MYH14: variants seen among roughly 807,000 people sequenced by gnomAD.
MYH14 encodes myosin heavy chain 14, also known as myosin-14.
A neutral mutation model predicts 255.5 loss-of-function variants in MYH14; 123 were observed. That is an observed-to-expected ratio of 0.48 (90% confidence interval 0.42 to 0.56). MYH14 has a LOEUF of 0.56. MYH14 is among the 20% of genes least tolerant of loss of function. The probability of loss-of-function intolerance (pLI) is 0.00; values close to 1 mark genes in which losing one functional copy is unlikely to be tolerated. For synonymous variants in MYH14, 1,095 were observed against 1,161.2 expected (o/e 0.94, Z 1.16); for missense variants, 2,423 against 2,802.3 (o/e 0.86, Z 3.06).
chr19:50,278,078 A>G lies in MYH14; in HGVS notation c.3826-5A>G. ...AGATCTTTGCTCATCTCCTTCCCAC[A>G]CCAGGGCAAAGGTGCATGGGAGAAG... On this transcript the variant is annotated splice_polypyrimidine_tract_variant and splice_region_variant and intron_variant, in intron 29 of 42. Transcript: ENST00000642316. The G allele has an allele frequency of 1.3e-6, 2 of 1,549,986 alleles. No individual in the cohort carries two copies. The highest frequency in any genetic ancestry group is 1.8e-6 in the Non-Finnish European group (2 of 1,140,562).
At chr19:50,232,889 A>T (rs1285595842) in intron 10 of MYH14, among the ~76,000 whole-genome samples, 4 of 151,978 alleles carry the variant, frequency 2.6e-5, no homozygotes, top group Non-Finnish European at 4.4e-5. Flanking sequence ...ACGCCAGCCT[A>T]GGAGGTTGGG....
intron 34 of MYH14, among the ~76,000 whole-genome samples, chr19:50,286,930 C>T (rs2035911241): frequency 1.3e-5 from 2 of 152,054 alleles, no homozygotes; most frequent in Non-Finnish European, 2.9e-5. Context: ...CCAGCCTGGC[C>T]AATGTGGTGA....
chr19:50,227,081 C>T lies in MYH14; in HGVS notation c.874+115C>T. ...CCCCTTACCTGCTACTCAGATGGGA[C>T]CTGATGCTCAGGCGGCATCTGCATG... On this transcript the variant is annotated intron_variant, in intron 8 of 42. Transcript: ENST00000642316. 4 of 865,684 alleles carry T rather than the reference C, an allele frequency of 4.6e-6. 1 individual carries two copies. The highest frequency in any genetic ancestry group is 4.1e-5 in the South Asian group (3 of 73,430). The allele number at this position is 865,684 out of a possible 1,614,324, so 53.6% of individuals were successfully genotyped here. A position where few individuals can be genotyped will look rare whatever the true frequency, so the allele number is the denominator to read the frequency against.
chr19:50,273,601 G>GGGGTGTGTGTGT (rs1555772398), intron 27 of MYH14, among the ~76,000 whole-genome samples: 4 of 137,578 alleles, frequency 2.9e-5, no homozygotes, highest in African/African-American at 1.1e-4. Context: ...GAACATGGGG[G>GGGGTGTGTGTGT]GTGTGTGTGT....
At chr19:50,260,591 C>T (rs1171494796) in intron 19 of MYH14, 55 bp from the exon 20 acceptor site, 1 of 1,299,068 alleles carries the variant, frequency 7.7e-7, no homozygotes, top group East Asian at 2.4e-5. Context: ...GCAGCAGGCA[C>T]TAGGTGAGCG....
intron 10 of MYH14, among the ~76,000 whole-genome samples, chr19:50,239,239 G>A (rs1304097930): frequency 1.3e-5 from 2 of 152,140 alleles, no homozygotes; most frequent in Non-Finnish European, 2.9e-5. Context: ...GGCTGGTCTC[G>A]AACTCCTGAC....
chr19:50,260,491 C>T (rs976011905), intron 19 of MYH14, among the ~76,000 whole-genome samples, 155 bp from the exon 20 acceptor site: 4 of 152,092 alleles, frequency 2.6e-5, no homozygotes, highest in African/African-American at 9.7e-5. Flanking sequence ...TTGGTGGTGG[C>T]GTGAATGCTC....
In MYH14 at chr19:50,250,470, A is replaced by G. The variant is rs1219200642; in HGVS notation, c.1657-45A>G. On this transcript the variant is annotated intron_variant, in intron 14 of 42. Coordinates refer to ENST00000642316, the MANE Select transcript of MYH14 (RefSeq NM_001145809.2). This position sits in a 1 kb window ranked among gnomAD's most constrained non-coding sequence, Gnocchi z 5.4. ...AAATCAGCAGCCACCTGAGTGTCCAATATGTGGGGATCTGACTTACTCTCC... is the reference window on the plus strand; with the variant it reads ...AAATCAGCAGCCACCTGAGTGTCCAGTATGTGGGGATCTGACTTACTCTCC... 3.2e-6 allele frequency: 5 copies of G among 1,581,822 alleles called. No individual in the cohort carries two copies. Among genetic ancestry groups the G allele is most frequent in the East Asian group, 2.3e-5 (1 of 43,746 alleles).
intron 9 of MYH14, among the ~76,000 whole-genome samples, chr19:50,231,387 A>C (rs1048541495): frequency 6.6e-6 from 1 of 152,096 alleles, no homozygotes; most frequent in African/African-American, 2.4e-5. Context: ...ACTTCTAGAG[A>C]CTCAAAAGTC....
intron 13 of MYH14, 98 bp downstream of exon 13, chr19:50,249,237 C>G: frequency 7.3e-7 from 1 of 1,364,478 alleles, no homozygotes; most frequent in Non-Finnish European, 9.9e-7. Context: ...GGTCTCTGTC[C>G]CCCTCTCTCT....
At position 50,309,382 on chromosome 19, in the gene MYH14, G is replaced by A. The variant is rs116297403; in HGVS notation, c.5960+205G>A. On this transcript the variant is annotated intron_variant, in intron 42 of 42. Coordinates refer to ENST00000642316, the MANE Select transcript of MYH14 (RefSeq NM_001145809.2). ...ACACCCATTTCTCCCTGTCATCTCTGTGCCCTCCTTTCCCACCGTGCACCA... is the reference window on the plus strand; with the variant it reads ...ACACCCATTTCTCCCTGTCATCTCTATGCCCTCCTTTCCCACCGTGCACCA... The A allele has an allele frequency of 1.9e-3, 1,176 of 625,842 alleles. 15 individuals carry two copies. In the African/African-American group the frequency reaches 0.019, roughly 10 times the overall value. The allele number at this position is 625,842 out of a possible 1,614,324, so 38.8% of individuals were successfully genotyped here. A position where few individuals can be genotyped will look rare whatever the true frequency, so the allele number is the denominator to read the frequency against.
At chr19:50,231,862 G>T (rs192575594) in intron 9 of MYH14, 68 bp from the exon 10 acceptor site, 3 of 1,592,456 alleles carry the variant, frequency 1.9e-6, no homozygotes, top group Non-Finnish European at 8.6e-7. Context: ...GATTGCCACC[G>T]ATGAATCCAG....
intron 34 of MYH14, 44 bp from the exon 35 acceptor site, chr19:50,289,392 C>A: frequency 6.5e-7 from 1 of 1,527,486 alleles, no homozygotes; most frequent in Non-Finnish European, 8.9e-7. Flanking sequence ...CTAACCTCCT[C>A]TGCCTCAGTG....
At chr19:50,306,628 T>C (rs2036662519) in intron 40 of MYH14, among the ~76,000 whole-genome samples, 1 of 152,062 alleles carries the variant, frequency 6.6e-6, no homozygotes, top group Admixed American at 6.5e-5. Flanking sequence ...TTATACAGGG[T>C]CAGATGGTTG....
rs1264102390 is a variant in MYH14, at chr19:50,308,667, T to G, written c.5788-338T>G. The G allele has an allele frequency of 1.4e-5, 4 of 290,468 alleles. No homozygotes were observed. In the East Asian group the frequency reaches 2.4e-4, roughly 18 times the overall value. 18.0% of individuals were successfully genotyped at this position (290,468 alleles called of 1,614,324 possible). A position where few individuals can be genotyped will look rare whatever the true frequency, so the allele number is the denominator to read the frequency against. ...AGAGAACTGGACAAGAAAAAGACCC[T>G]GTGGGGCCTGGAATGCCAGGCTGAG... On this transcript the variant is annotated intron_variant, in intron 41 of 42. Coordinates refer to ENST00000642316, the MANE Select transcript of MYH14 (RefSeq NM_001145809.2).
chr19:50,215,324 C>A (rs1175397338), intron 2 of MYH14, among the ~76,000 whole-genome samples: 1 of 152,176 alleles, frequency 6.6e-6, no homozygotes, highest in East Asian at 1.9e-4. Context: ...GGCCGCCCCA[C>A]CCTCTGAGAG....
At chr19:50,258,135 GCCCAGGCTGC>G (rs2034660603) in intron 18 of MYH14, among the ~76,000 whole-genome samples, 1 of 151,964 alleles carries the variant, frequency 6.6e-6, no homozygotes, top group African/African-American at 2.4e-5. Context: ...TTGCCATGTT[GCCCAGGCTGC>G]TCTCGAACTC....
intron 39 of MYH14, among the ~76,000 whole-genome samples, 179 bp from the exon 40 acceptor site, chr19:50,301,482 G>A (rs1332441443): frequency 6.6e-6 from 1 of 152,180 alleles, no homozygotes; most frequent in East Asian, 1.9e-4. Flanking sequence ...TGGGTGACAA[G>A]TCAATAAACT....
At chr19:50,275,945 C>T (rs1601002556) in intron 27 of MYH14, 46 bp from the exon 28 acceptor site, 2 of 1,493,956 alleles carry the variant, frequency 1.3e-6, no homozygotes, top group Middle Eastern at 1.7e-4. Context: ...CATTGCCTCA[C>T]TCTGGCCTGC....
Sources: allele counts gnomAD v4.1 joint callset (sites outside exome capture counted in the v4.1 genomes callset), GRCh38; gene constraint gnomAD v4.1.1; non-coding constraint Gnocchi (gnomAD v3.1); transcripts MANE v1.5; gene names NCBI Gene and HGNC (gene_info 2026-07-23, HGNC 2026-07-21).